MORN1: variants seen among roughly 807,000 people sequenced by gnomAD.
The protein encoded by MORN1 is MORN repeat containing 1.
In MORN1, 67 loss-of-function variants were observed where a neutral mutation model predicts 61.9. That is an observed-to-expected ratio of 1.08 (90% CI 0.89 to 1.33). The LOEUF is 1.33. MORN1 is among the 40% of genes most tolerant of loss of function. The pLI, the probability that MORN1 is intolerant of heterozygous loss-of-function variation, is 0.00. For missense variants in MORN1, 752 were observed against 691.2 expected (o/e 1.09, Z -0.99); for synonymous variants, 301 against 292.0 (o/e 1.03, Z -0.31).
At chr1:2,390,427 T>C (rs1411795327) in intron 1 of MORN1, 2 of 985,260 alleles carry the variant, frequency 2.0e-6, no homozygotes, top group Non-Finnish European at 2.4e-6. Context: ...GGCCCTTCAG[T>C]GGCCTCCTAT....
At chr1:2,324,026 G>C in intron 13 of MORN1, 71 bp downstream of exon 13, 1 of 1,520,264 alleles carries the variant, frequency 6.6e-7, no homozygotes, top group Admixed American at 2.0e-5. Context: ...CCCACCTCCA[G>C]CCCTGGGCTG....
At chr1:2,351,116 C>CGT (rs1344910096) in intron 10 of MORN1, 2 of 152,574 alleles carry the variant, frequency 1.3e-5, no homozygotes, top group East Asian at 3.8e-4. Flanking sequence ...ACGGAGGCCA[C>CGT]GGTGAGGCCT....
At chr1:2,362,472 G>A (rs1463440153) in intron 8 of MORN1, among the ~76,000 whole-genome samples, 3 of 151,910 alleles carry the variant, frequency 2.0e-5, no homozygotes, top group Non-Finnish European at 4.4e-5. Flanking sequence ...GTGGACCATC[G>A]AGGGAAAAAA....
intron 10 of MORN1, among the ~76,000 whole-genome samples, chr1:2,341,692 G>GAAAAAAAAAAAA (rs68071614): frequency 7.5e-6 from 1 of 133,778 alleles, no homozygotes; most frequent in Non-Finnish European, 1.6e-5. Flanking sequence ...TCCGTCTCAA[G>GAAAAAAAAAAAA]AAAAAAAAAA....
intron 6 of MORN1, among the ~76,000 whole-genome samples, chr1:2,382,471 G>A (rs1456899820): frequency 6.6e-6 from 1 of 152,232 alleles, no homozygotes; most frequent in Non-Finnish European, 1.5e-5. Flanking sequence ...AAGCTCCAGA[G>A]CTGTGCACCA....
chr1:2,379,075 G>A (rs1642312651), intron 6 of MORN1: 1 of 471,150 alleles, frequency 2.1e-6, no homozygotes, highest in South Asian at 1.5e-5. Flanking sequence ...AATACTGGCT[G>A]CAAGGCAGGA....
Position 2,333,696 on chromosome 1 carries a change from C to T in MORN1, c.1250+2773G>A, listed in dbSNP as rs183749187. On this transcript the variant is annotated intron_variant, in intron 12 of 13. Coordinates refer to ENST00000378531, the MANE Select transcript of MORN1 (RefSeq NM_024848.3). ...CCACCCCATTCACAAGCATGTCTGT[C>T]GGAAGCGGCAGCCCCAACGGTGCCA... Among the ~76,000 whole-genome samples the T allele has an allele frequency of 3.3e-4, 51 of 152,320 alleles. 1 individual carries two copies. In the East Asian group the frequency reaches 7.3e-3, roughly 22 times the overall value.
intron 12 of MORN1, among the ~76,000 whole-genome samples, chr1:2,327,723 C>T (rs1270652743): frequency 4.6e-5 from 7 of 152,208 alleles, no homozygotes; most frequent in South Asian, 2.1e-4. Context: ...GCAGGCGCGG[C>T]GGGCAGGCGG....
intron 13 of MORN1, chr1:2,322,353 A>C: frequency 1.0e-6 from 1 of 985,404 alleles, no homozygotes; most frequent in East Asian, 1.1e-4. Context: ...ATGCGGCCGC[A>C]GCTGAAATGG....
intron 10 of MORN1, 121 bp from the exon 11 acceptor site, chr1:2,336,971 A>T: frequency 8.5e-7 from 1 of 1,174,554 alleles, no homozygotes; most frequent in Non-Finnish European, 1.1e-6. Context: ...GCCAGTCGCG[A>T]TGCCATCTTG....
chr1:2,357,615 G>A lies in MORN1; in HGVS notation c.870-17C>T, dbSNP rs1641804918. On this transcript the variant is annotated splice_polypyrimidine_tract_variant and intron_variant, in intron 9 of 13. Coordinates refer to ENST00000378531, the MANE Select transcript of MORN1 (RefSeq NM_024848.3). This position sits in a 1 kb window ranked among gnomAD's most constrained non-coding sequence, Gnocchi z 6.3. ...TCGAACCCACTGCAAAGGAATGGGG[G>A]CAGCTTGGCTCTACTCACCCCACAC... 1.9e-6 allele frequency: 3 copies of A among 1,573,010 alleles called. No homozygotes were observed. The highest frequency in any genetic ancestry group is 1.2e-5 in the South Asian group (1 of 86,512).
intron 12 of MORN1, among the ~76,000 whole-genome samples, chr1:2,327,405 A>AACACAGAG (rs1289727637): frequency 2.0e-5 from 3 of 151,270 alleles, no homozygotes; most frequent in African/African-American, 7.3e-5. Context: ...CACAGAAACA[A>AACACAGAG]ACACAGAGAC....
At chr1:2,347,386 C>A (rs1292809954) in intron 10 of MORN1, among the ~76,000 whole-genome samples, 1 of 152,092 alleles carries the variant, frequency 6.6e-6, no homozygotes, top group Admixed American at 6.5e-5. Flanking sequence ...TGCCCCCTAC[C>A]CCCGATCACC....
At chr1:2,345,101 C>T (rs922325333) in intron 10 of MORN1, among the ~76,000 whole-genome samples, 13 of 152,184 alleles carry the variant, frequency 8.5e-5, no homozygotes, top group African/African-American at 2.2e-4. Flanking sequence ...TCACGCTCTA[C>T]GCTCATGGAT....
At position 2,334,570 on chromosome 1, in the gene MORN1, G is replaced by A. The variant is rs957818420; in HGVS notation, c.1250+1899C>T. Among the ~76,000 whole-genome samples, 3 of 152,074 alleles carry A rather than the reference G, an allele frequency of 2.0e-5. No homozygotes were observed. Among genetic ancestry groups the A allele is most frequent in the Non-Finnish European group, 2.9e-5 (2 of 68,016 alleles). ...GGTTTTGGGCTGCCTGTCCCAACAC[G>A]ACGAGAGGGCCCTGGCTGTGTGGCC... On this transcript the variant is annotated intron_variant, in intron 12 of 13. Transcript: ENST00000378531. This position sits in a 1 kb window ranked among gnomAD's most constrained non-coding sequence, Gnocchi z 5.4.
At position 2,363,811 on chromosome 1, in the gene MORN1, A is replaced by AAATATAT. The variant is rs1199100386; in HGVS notation, c.746-5097_746-5096insATATATT. On this transcript the variant is annotated intron_variant, in intron 8 of 13. Transcript: ENST00000378531. ...AAACAAACAAACAAACAAACAAAAA[A>AAATATAT]ATATATATATATATAAAAAAAATCA... Among the ~76,000 whole-genome samples the AAATATAT allele has an allele frequency of 3.7e-5, 5 of 135,142 alleles. No individual in the cohort carries two copies. The South Asian group carries it at 9.6e-4, about 26-fold the overall frequency. The allele number at this position is 135,142 out of a possible 152,430, so 88.7% of individuals were successfully genotyped here.
At chr1:2,390,799 G>T (rs949879042) in intron 1 of MORN1, 1 of 965,970 alleles carries the variant, frequency 1.0e-6, no homozygotes, top group Admixed American at 6.2e-5. Flanking sequence ...CCCAGGCTGG[G>T]GTGCAGCGGC....
chr1:2,388,531 C>T (rs987065007), intron 2 of MORN1, 194 bp from the exon 3 acceptor site: 23 of 541,568 alleles, frequency 4.2e-5, no homozygotes, highest in African/African-American at 1.9e-4. Flanking sequence ...CACGCTTGAG[C>T]GGCCGGCGCC....
At chr1:2,386,406 T>C (rs1243575545) in intron 4 of MORN1, 1 of 156,016 alleles carries the variant, frequency 6.4e-6, no homozygotes. Context: ...TTTGAGAGTA[T>C]TTCTGCTTCT....
Sources: gnomAD v4.1 joint callset for allele counts (sites outside exome capture counted in the v4.1 genomes callset) on GRCh38, gnomAD v4.1.1 for gene constraint, Gnocchi (gnomAD v3.1) non-coding constraint, MANE v1.5 for transcripts, NCBI Gene and HGNC (gene_info 2026-07-23, HGNC 2026-07-21) for gene names.